GLIS1: variants seen among roughly 807,000 people sequenced by gnomAD.
The protein encoded by GLIS1 is GLIS family zinc finger 1, also known as zinc finger protein GLIS1.
A neutral mutation model predicts 63.8 loss-of-function variants in GLIS1; 24 were observed. The observed-to-expected ratio is 0.38, with a 90% CI of 0.27 to 0.53. The LOEUF is 0.53. GLIS1 is among the 20% of genes least tolerant of loss of function. The probability of loss-of-function intolerance (pLI) is 0.85; values close to 1 mark genes in which losing one functional copy is unlikely to be tolerated. For synonymous variants in GLIS1, 450 were observed against 482.5 expected, an observed-to-expected ratio of 0.93 and a Z score of 0.88; for missense variants, 1,036 against 1,074.1, an observed-to-expected ratio of 0.96 and a Z score of 0.50.
intron 4 of GLIS1, among the ~76,000 whole-genome samples, chr1:53,564,070 A>T (rs1486699610): frequency 6.6e-6 from 1 of 152,250 alleles, no homozygotes; most frequent in Non-Finnish European, 1.5e-5. Flanking sequence ...AAAACTAATG[A>T]TGTGCAAATA....
chr1:53,624,541 CTTT>C (rs370540667), intron 2 of GLIS1, among the ~76,000 whole-genome samples: 1 of 145,126 alleles, frequency 6.9e-6, no homozygotes, highest in Admixed American at 6.9e-5. Context: ...TTTTAAATCT[CTTT>C]TTTTTTTTTT....
At position 53,531,296 on chromosome 1, in the gene GLIS1, G is replaced by A. The variant is rs192860694; in HGVS notation, c.1321-1344C>T. Among the ~76,000 whole-genome samples the A allele has an allele frequency of 2.6e-3, 399 of 152,304 alleles. 2 individuals carry two copies. The highest frequency in any genetic ancestry group is 9.3e-3 in the African/African-American group (388 of 41,560). ...ATGGGACCCTGCCCCTCTGACCCAG[G>A]GGCCAGCATGGGCTCCCAGCAGCAG... On this transcript the variant is annotated intron_variant, in intron 4 of 10. Coordinates refer to ENST00000628545, the MANE Select transcript of GLIS1 (RefSeq NM_001367484.1).
intron 4 of GLIS1, among the ~76,000 whole-genome samples, chr1:53,563,692 T>C (rs544134318): frequency 2.0e-5 from 3 of 152,258 alleles, no homozygotes; most frequent in East Asian, 3.9e-4. Flanking sequence ...AGATAACAGC[T>C]TGGAGTTTTC....
chr1:53,587,692 G>C (rs554169993), intron 4 of GLIS1, among the ~76,000 whole-genome samples: 1 of 152,320 alleles, frequency 6.6e-6, no homozygotes, highest in South Asian at 2.1e-4. Context: ...CTGGCTTCTT[G>C]AGAAAAATAG....
intron 4 of GLIS1, among the ~76,000 whole-genome samples, chr1:53,546,183 C>T (rs1005267556): frequency 2.6e-5 from 4 of 152,200 alleles, no homozygotes; most frequent in Non-Finnish European, 5.9e-5. Context: ...GCCAGGGACG[C>T]CTGAGGAGGC....
rs902458303 is a variant in GLIS1 at position 53,594,375 on chromosome 1, G to C, written c.1053C>G (p.Gly351=). 6.2e-7 allele frequency: 1 copy of C among 1,611,430 alleles called. No homozygotes were observed. Among genetic ancestry groups the C allele is most frequent in the African/African-American group, 1.3e-5 (1 of 74,908 alleles). ...PPYPLSQLPP[G]PSLGGLGLGL... ...CCAGCCCCAGGCCTCCAAGGCTTGG[G>C]CCAGGCGGCAACTGAGACAGGGGAT... The change falls in exon 4 of 11, where the codon GGC becomes GGG. Residue 351 remains glycine (G), a synonymous_variant. Transcript: ENST00000628545.
intron 2 of GLIS1, among the ~76,000 whole-genome samples, chr1:53,605,345 GA>G (rs1255719537): frequency 1.3e-5 from 2 of 152,120 alleles, no homozygotes. Context: ...AGGGTGGCCT[GA>G]CCCTTCCAAA....
intron 4 of GLIS1, among the ~76,000 whole-genome samples, chr1:53,563,290 A>C (rs910813837): frequency 3.3e-5 from 5 of 152,228 alleles, no homozygotes; most frequent in Non-Finnish European, 7.3e-5. Context: ...CCAAATGCTA[A>C]AATGATCAGA....
intron 2 of GLIS1, among the ~76,000 whole-genome samples, chr1:53,694,463 T>C (rs1451771987): frequency 6.6e-6 from 1 of 152,148 alleles, no homozygotes; most frequent in Non-Finnish European, 1.5e-5. Context: ...GCACCCAGTG[T>C]CCCTGCTGGC....
At chr1:53,562,022 C>T (rs1360410274) in intron 4 of GLIS1, among the ~76,000 whole-genome samples, 1 of 152,158 alleles carries the variant, frequency 6.6e-6, no homozygotes, top group Non-Finnish European at 1.5e-5. Flanking sequence ...TCAACGTCTT[C>T]CCATGTTACC....
chr1:53,566,778 G>GC (rs1243862024), intron 4 of GLIS1, among the ~76,000 whole-genome samples: 6 of 152,184 alleles, frequency 3.9e-5, no homozygotes, highest in African/African-American at 1.4e-4. Context: ...AGACATGCTT[G>GC]CTTCCCCTTC....
intron 4 of GLIS1, among the ~76,000 whole-genome samples, chr1:53,561,533 T>C (rs1407621256): frequency 3.3e-5 from 5 of 152,236 alleles, no homozygotes; most frequent in Non-Finnish European, 7.3e-5. Context: ...TTCATAAATC[T>C]GCCCTCGCTC....
intron 2 of GLIS1, among the ~76,000 whole-genome samples, chr1:53,606,476 T>C (rs1426447658): frequency 2.6e-5 from 4 of 152,184 alleles, no homozygotes; most frequent in African/African-American, 9.7e-5. Flanking sequence ...TCCCACTTCC[T>C]AGGTCCAGGG....
chr1:53,617,982 C>T (rs558545514), intron 2 of GLIS1, among the ~76,000 whole-genome samples: 1 of 152,212 alleles, frequency 6.6e-6, no homozygotes, highest in African/African-American at 2.4e-5. Flanking sequence ...GAGGGACCCA[C>T]AAGAAGGCAA....
intron 4 of GLIS1, among the ~76,000 whole-genome samples, chr1:53,567,604 C>T (rs916678901): frequency 6.6e-6 from 1 of 152,206 alleles, no homozygotes. Context: ...CCTCCCATTA[C>T]AGGACCAGAA....
At chr1:53,637,049 C>T (rs1212545766) in intron 2 of GLIS1, among the ~76,000 whole-genome samples, 1 of 152,216 alleles carries the variant, frequency 6.6e-6, no homozygotes, top group African/African-American at 2.4e-5. Context: ...AAGGATGCTG[C>T]CTCCTCAGTG....
At chr1:53,656,328 C>A (rs900444137) in intron 2 of GLIS1, among the ~76,000 whole-genome samples, 2 of 152,220 alleles carry the variant, frequency 1.3e-5, no homozygotes, top group African/African-American at 4.8e-5. Flanking sequence ...TCTGCATCTT[C>A]TCCTCACCTG....
chr1:53,543,866 G>T (rs1007226668), intron 4 of GLIS1, among the ~76,000 whole-genome samples: 1 of 151,960 alleles, frequency 6.6e-6, no homozygotes, highest in Non-Finnish European at 1.5e-5. Flanking sequence ...CCTCTTATTG[G>T]GCAAGGGAGA....
intron 2 of GLIS1, among the ~76,000 whole-genome samples, chr1:53,636,542 C>T (rs1346763147): frequency 1.3e-5 from 2 of 152,182 alleles, no homozygotes; most frequent in Non-Finnish European, 2.9e-5. Context: ...GGAAGCAAGA[C>T]GTCTGCCATC....
Sources: gnomAD v4.1 joint callset for allele counts (sites outside exome capture counted in the v4.1 genomes callset) on GRCh38, gnomAD v4.1.1 for gene constraint, MANE v1.5 for transcripts, NCBI Gene and HGNC (gene_info 2026-07-23, HGNC 2026-07-21) for gene names.